PLXNA4: variants seen among roughly 807,000 people sequenced by gnomAD.
The protein encoded by PLXNA4 is plexin A4.
A neutral mutation model predicts 191.8 loss-of-function variants in PLXNA4; 44 were observed. The observed-to-expected ratio is 0.23, with a 90% CI of 0.18 to 0.29. The LOEUF (loss-of-function observed/expected upper bound fraction) is 0.29. Among genes scored for constraint, PLXNA4 ranks in the 10% least tolerant of loss-of-function variants. The pLI is 1.00. For synonymous variants in PLXNA4, 1,082 were observed against 1,009.5 expected (o/e 1.07, Z -1.36); for missense variants, 1,800 against 2,488.8 (o/e 0.72, Z 5.89).
At chr7:132,410,467 C>G (rs987030651) in intron 3 of PLXNA4, among the ~76,000 whole-genome samples, 7 of 152,212 alleles carry the variant, frequency 4.6e-5, no homozygotes, top group Non-Finnish European at 8.8e-5. Context: ...TAGCCTTCCC[C>G]CCTCCACAGG....
intron 3 of PLXNA4, among the ~76,000 whole-genome samples, chr7:132,380,539 T>C (rs1804851016): frequency 6.6e-6 from 1 of 152,176 alleles, no homozygotes; most frequent in Non-Finnish European, 1.5e-5. Flanking sequence ...ATGATTGCCA[T>C]TCTCAAAGAA....
chr7:132,495,997 C>G (rs1341491308), intron 2 of PLXNA4, among the ~76,000 whole-genome samples: 1 of 152,242 alleles, frequency 6.6e-6, no homozygotes, highest in African/African-American at 2.4e-5. Flanking sequence ...GTCTCAGTTC[C>G]TGCCCCAAAG....
chr7:132,448,796 C>T (rs954856155), intron 3 of PLXNA4, among the ~76,000 whole-genome samples: 2 of 152,214 alleles, frequency 1.3e-5, no homozygotes, highest in African/African-American at 4.8e-5. Context: ...GGGCTCTGAA[C>T]TATAGACTGA....
intron 3 of PLXNA4, among the ~76,000 whole-genome samples, chr7:132,357,044 G>C (rs567333817): frequency 6.6e-6 from 1 of 152,186 alleles, no homozygotes; most frequent in African/African-American, 2.4e-5. Flanking sequence ...GCCTATGAGA[G>C]GTGTGGTGTC....
At chr7:132,601,373 C>A (rs1802816922) in intron 2 of PLXNA4, among the ~76,000 whole-genome samples, 1 of 152,078 alleles carries the variant, frequency 6.6e-6, no homozygotes, top group Non-Finnish European at 1.5e-5. Context: ...GTGACAGAAC[C>A]CCTAATTCTA....
At chr7:132,390,338 G>A (rs183887549) in intron 3 of PLXNA4, among the ~76,000 whole-genome samples, 16 of 152,110 alleles carry the variant, frequency 1.1e-4, no homozygotes, top group Non-Finnish European at 1.9e-4. Flanking sequence ...AACACTGCAC[G>A]TTCTCACTCC....
chr7:132,400,943 T>G (rs573343863), intron 3 of PLXNA4, among the ~76,000 whole-genome samples: 29 of 152,348 alleles, frequency 1.9e-4, no homozygotes, highest in Non-Finnish European at 2.9e-4. Flanking sequence ...TTTGGTCTAT[T>G]TTCAATTTCA....
At chr7:132,624,785 C>T (rs1585413015) in intron 2 of PLXNA4, among the ~76,000 whole-genome samples, 1 of 152,168 alleles carries the variant, frequency 6.6e-6, no homozygotes, top group African/African-American at 2.4e-5. Flanking sequence ...CTCCCCACCA[C>T]CTGCCACGAC....
rs56218905 is a variant in PLXNA4, at chr7:132,264,684, CTTT to C, written c.1504-23521_1504-23519del. On this transcript the variant is annotated intron_variant, in intron 4 of 31. Transcript: ENST00000321063. ...TGGGAAATACTGTCGGTCCTCCCCGCTTTTTTTTTTTTTTTTTTCTTTTTCTTT... is the reference window on the plus strand; with the variant it reads ...TGGGAAATACTGTCGGTCCTCCCCGCTTTTTTTTTTTTTTTCTTTTTCTTT... Among the ~76,000 whole-genome samples, 206 of 130,302 alleles carry C rather than the reference CTTT, an allele frequency of 1.6e-3. 1 individual carries two copies. Among genetic ancestry groups the C allele is most frequent in the South Asian group, 3.9e-3 (16 of 4,072 alleles). The allele number at this position is 130,302 out of a possible 152,430, so 85.5% of individuals were successfully genotyped here.
rs922802035 is a variant in PLXNA4 at position 132,623,330 on chromosome 7, G to A, written c.-87+22598C>T. Reference sequence around the variant, plus strand: ...CATTGCACTCCAGCCTGGGTGACAAGAGCAAAATTCCATCTCAAAAAATAA... The same window carrying A: ...CATTGCACTCCAGCCTGGGTGACAAAAGCAAAATTCCATCTCAAAAAATAA... On this transcript the variant is annotated intron_variant, in intron 2 of 4. Coordinates refer to the PLXNA4 transcript ENST00000378539. Among the ~76,000 whole-genome samples, 12 of 149,046 alleles carry A rather than the reference G, an allele frequency of 8.1e-5. No homozygotes were observed. In the Admixed American group the frequency reaches 8.1e-4, roughly 10 times the overall value.
At chr7:132,476,343 T>C (rs1362573385) in intron 3 of PLXNA4, among the ~76,000 whole-genome samples, 1 of 152,218 alleles carries the variant, frequency 6.6e-6, no homozygotes, top group East Asian at 1.9e-4. Flanking sequence ...CAGTTATGGA[T>C]GACTGATGCT....
chr7:132,160,550 C>T (rs1042486734), intron 24 of PLXNA4, among the ~76,000 whole-genome samples: 6 of 152,218 alleles, frequency 3.9e-5, no homozygotes, highest in East Asian at 1.9e-4. Context: ...TGGAGGGGAA[C>T]GGGGTGGGTG....
At chr7:132,234,589 A>ATGTGTTTTGTGTGTG (rs1798632869) in intron 5 of PLXNA4, among the ~76,000 whole-genome samples, 1 of 107,568 alleles carries the variant, frequency 9.3e-6, no homozygotes, top group Admixed American at 1.0e-4. Flanking sequence ...GTCATGAAGC[A>ATGTGTTTTGTGTGTG]TGTGTTTTGT....
intron 1 of PLXNA4, among the ~76,000 whole-genome samples, chr7:132,545,443 T>A (rs1349961320): frequency 6.6e-6 from 1 of 152,194 alleles, no homozygotes; most frequent in African/African-American, 2.4e-5. Flanking sequence ...AAAAACACAC[T>A]ATAAATACTT....
intron 3 of PLXNA4, among the ~76,000 whole-genome samples, chr7:132,477,528 T>A (rs1372012387): frequency 6.6e-6 from 1 of 152,220 alleles, no homozygotes; most frequent in African/African-American, 2.4e-5. Flanking sequence ...TCGTTATTGT[T>A]GTTGTAAGCC....
At chr7:132,219,027 G>A (rs531603844) in intron 9 of PLXNA4, among the ~76,000 whole-genome samples, 1 of 152,244 alleles carries the variant, frequency 6.6e-6, no homozygotes, top group African/African-American at 2.4e-5. Context: ...TGTTGAAATG[G>A]AAGACGCACA....
intron 3 of PLXNA4, among the ~76,000 whole-genome samples, chr7:132,317,795 C>G (rs1304806873): frequency 6.6e-6 from 1 of 152,158 alleles, no homozygotes; most frequent in Non-Finnish European, 1.5e-5. Context: ...TTGTGGAACA[C>G]CAGTTGTAGG....
At position 132,595,912 on chromosome 7, in the gene PLXNA4, C is replaced by G. The variant is rs539970937; in HGVS notation, c.-87+50016G>C. ...ACCTCTTTTGAGAACGAAACATTAT[C>G]CTACATACCTTCAATACCATTATTG... is the stretch of plus-strand genomic sequence containing the variant. On this transcript the variant is annotated intron_variant, in intron 2 of 4. Transcript: ENST00000378539. Among the ~76,000 whole-genome samples, 6 of 152,262 alleles carry G rather than the reference C, an allele frequency of 3.9e-5. No individual in the cohort carries two copies. The South Asian group carries it at 1.2e-3, about 32-fold the overall frequency.
At chr7:132,226,726 A>C (rs1034889213) in intron 7 of PLXNA4, among the ~76,000 whole-genome samples, 1 of 152,196 alleles carries the variant, frequency 6.6e-6, no homozygotes, top group Admixed American at 6.5e-5. Flanking sequence ...TGGGGGGCTC[A>C]GGGCTCCACC....
Sources: allele counts gnomAD v4.1 joint callset (sites outside exome capture counted in the v4.1 genomes callset), GRCh38; gene constraint gnomAD v4.1.1; transcripts MANE v1.5; gene names NCBI Gene and HGNC (gene_info 2026-07-23, HGNC 2026-07-21).